CCDC138: variants seen among roughly 807,000 people sequenced by gnomAD.
CCDC138 encodes the protein coiled-coil domain-containing protein 138.
CCDC138 carries 66 observed loss-of-function variants against 82.3 expected under a neutral mutation model. The ratio of observed to expected loss-of-function variants is 0.80; its 90% CI spans 0.66 to 0.98. The LOEUF (loss-of-function observed/expected upper bound fraction) is 0.98. Ranked by LOEUF, CCDC138 falls within the 50% of genes least tolerant of loss-of-function variation. The pLI, the probability that CCDC138 is intolerant of heterozygous loss-of-function variation, is 0.00. For synonymous variants in CCDC138, 297 were observed against 265.4 expected, an observed-to-expected ratio of 1.12 and a Z score of -1.16; for missense variants, 816 against 758.9, an observed-to-expected ratio of 1.08 and a Z score of -0.88.
chr2:108,865,304 C>T (rs545320648), intron 13 of CCDC138, among the ~76,000 whole-genome samples: 162 of 152,216 alleles, frequency 1.1e-3, no homozygotes, highest in African/African-American at 3.7e-3. Flanking sequence ...TGTGAATAAC[C>T]GTATACAAAA....
chr2:108,828,930 A>G (rs1245168833), intron 10 of CCDC138, among the ~76,000 whole-genome samples: 2 of 152,142 alleles, frequency 1.3e-5, no homozygotes, highest in Non-Finnish European at 2.9e-5. Context: ...GTGAGCCGAG[A>G]TCACGCCATT....
intron 12 of CCDC138, among the ~76,000 whole-genome samples, chr2:108,851,934 C>T (rs1204940524): frequency 6.6e-6 from 1 of 152,102 alleles, no homozygotes; most frequent in East Asian, 1.9e-4. Context: ...GATAATTGTG[C>T]CAAAACGATA....
chr2:108,804,010 T>C (rs960151894), intron 6 of CCDC138, among the ~76,000 whole-genome samples: 1 of 152,200 alleles, frequency 6.6e-6, no homozygotes. Flanking sequence ...TCTTAGAATA[T>C]TGGATTTTTT....
intron 13 of CCDC138, among the ~76,000 whole-genome samples, chr2:108,862,389 T>C (rs1395387009): frequency 6.6e-6 from 1 of 152,162 alleles, no homozygotes; most frequent in Non-Finnish European, 1.5e-5. Flanking sequence ...TGGGAGGTAG[T>C]GTCAGTGGAC....
intron 10 of CCDC138, among the ~76,000 whole-genome samples, chr2:108,818,230 T>TG (rs1160933220): frequency 7.2e-5 from 11 of 151,964 alleles, no homozygotes; most frequent in Admixed American, 5.9e-4. Context: ...CACCTGAACC[T>TG]GGGGGGGTCG....
chr2:108,797,814 G>T (rs1244571891), intron 5 of CCDC138, among the ~76,000 whole-genome samples: 1 of 152,182 alleles, frequency 6.6e-6, no homozygotes, highest in African/African-American at 2.4e-5. Flanking sequence ...CAAATTAGTA[G>T]AATGGAGAAG....
Position 108,869,710 on chromosome 2 carries a change from A to G in CCDC138, c.1694-3741A>G, listed in dbSNP as rs146955704. ...CAAGAAAAAAAGAAAAAAACAGCAT[A>G]CACAGGCCCAGACAGGATGCATGCC... is the stretch of plus-strand genomic sequence containing the variant. On this transcript the variant is annotated intron_variant, in intron 13 of 14. Coordinates refer to ENST00000295124, the MANE Select transcript of CCDC138 (RefSeq NM_144978.3). 1.4e-4 allele frequency among the ~76,000 whole-genome samples: 22 copies of G among 152,270 alleles called. No homozygotes were observed. In the East Asian group the frequency reaches 4.3e-3, roughly 29 times the overall value.
At chr2:108,850,955 C>T (rs531830148) in intron 12 of CCDC138, among the ~76,000 whole-genome samples, 1 of 152,178 alleles carries the variant, frequency 6.6e-6, no homozygotes, top group East Asian at 1.9e-4. Flanking sequence ...AGTGTCAGAT[C>T]CCACAAGTTG....
At chr2:108,831,699 A>ACC (rs1558692798) in intron 10 of CCDC138, among the ~76,000 whole-genome samples, 24 of 51,546 alleles carry the variant, frequency 4.7e-4, no homozygotes, top group East Asian at 1.9e-3. Flanking sequence ...GTGGCACAGA[A>ACC]TCTTCCTTCC....
chr2:108,860,463 G>C (rs552694214), intron 13 of CCDC138, among the ~76,000 whole-genome samples: 56 of 150,962 alleles, frequency 3.7e-4, no homozygotes, highest in African/African-American at 1.3e-3. Flanking sequence ...GATATTGACT[G>C]TAGTTTTGTC....
intron 13 of CCDC138, among the ~76,000 whole-genome samples, chr2:108,863,582 C>CT (rs1219303952): frequency 6.6e-6 from 1 of 152,134 alleles, no homozygotes; most frequent in Non-Finnish European, 1.5e-5. Flanking sequence ...ACTCCTAGAT[C>CT]TTTTTCTTTC....
At position 108,862,068 on chromosome 2, in the gene CCDC138, A is replaced by G. The variant is rs2104842502; in HGVS notation, c.1693+5098A>G. Among the ~76,000 whole-genome samples, 4 of 122,478 alleles carry G rather than the reference A, an allele frequency of 3.3e-5. No homozygotes were observed. The Middle Eastern group carries it at 0.017, about 533-fold the overall frequency. The allele number at this position is 122,478 out of a possible 152,430, so 80.4% of individuals were successfully genotyped here. On this transcript the variant is annotated intron_variant, in intron 13 of 14. Transcript: ENST00000295124. The stretch of plus-strand genomic sequence containing the variant: ...ACTATGGCCCAAGAGGATTCTTGGT[A>G]TGATTTCAGTTTTTTTTTTTTTTAT...
intron 11 of CCDC138, among the ~76,000 whole-genome samples, chr2:108,841,882 A>G (rs1048916688): frequency 1.5e-4 from 23 of 151,616 alleles, no homozygotes; most frequent in African/African-American, 4.6e-4. Context: ...ATTTTCCTTT[A>G]TAGTGTATTG....
At chr2:108,795,967 T>C (rs1188300828) in intron 5 of CCDC138, among the ~76,000 whole-genome samples, 1 of 152,202 alleles carries the variant, frequency 6.6e-6, no homozygotes, top group African/African-American at 2.4e-5. Flanking sequence ...TATCTATCAT[T>C]TGTAGCAAAC....
In CCDC138 at chr2:108,876,220, A is replaced by G; in HGVS notation, c.1965A>G (p.Lys655=). ...CTCTGTTCAATCTGGGTTTAACAAA[A>G]TGTAACTCCCTGGTCTCCAGTGCAA... ...NSTLFNLGLT[K]CNSLVSSASP Residue 655 remains lysine, a synonymous_variant, in exon 15 of 15, where the codon AAA becomes AAG. Transcript: ENST00000295124. 1 of 1,612,666 alleles carries G rather than the reference A, an allele frequency of 6.2e-7. No homozygotes were observed. The highest frequency in any genetic ancestry group is 8.5e-7 in the Non-Finnish European group (1 of 1,179,146).
intron 7 of CCDC138, among the ~76,000 whole-genome samples, chr2:108,806,072 C>T (rs1573990501): frequency 6.6e-6 from 1 of 152,308 alleles, no homozygotes; most frequent in Non-Finnish European, 1.5e-5. Flanking sequence ...TTAATCTCTA[C>T]TTGTTGTGAT....
chr2:108,815,935 A>T lies in CCDC138; in HGVS notation c.1042-6A>T, dbSNP rs371630047. The T allele has an allele frequency of 1.3e-6, 2 of 1,594,760 alleles. No homozygotes were observed. Among genetic ancestry groups the T allele is most frequent in the East Asian group, 2.2e-5 (1 of 44,724 alleles). ...TGAAATAAATGATTTAATTTTTGAC[A>T]TATAGGTACCACTTAATGGGCAAGT... is the stretch of plus-strand genomic sequence containing the variant. On this transcript the variant is annotated splice_polypyrimidine_tract_variant and splice_region_variant and intron_variant, in intron 9 of 14. Transcript: ENST00000295124.
At chr2:108,817,580 C>A (rs528382636) in intron 10 of CCDC138, among the ~76,000 whole-genome samples, 2 of 152,116 alleles carry the variant, frequency 1.3e-5, no homozygotes, top group African/African-American at 2.4e-5. Context: ...CATGAGCCAC[C>A]GTGCCCAGCC....
chr2:108,854,027 TATTATATATAATATATAATAAATTTA>T, intron 12 of CCDC138, among the ~76,000 whole-genome samples: 1 of 108,618 alleles, frequency 9.2e-6, no homozygotes, highest in Admixed American at 1.3e-4. Context: ...AATAAATTTA[TATTATATATAATATATAATAAATTTA>T]TATTATATAT....
Sources: allele counts gnomAD v4.1 joint callset (sites outside exome capture counted in the v4.1 genomes callset), GRCh38; gene constraint gnomAD v4.1.1; transcripts MANE v1.5; gene names NCBI Gene and HGNC (gene_info 2026-07-23, HGNC 2026-07-21).